NUP98: variants seen among roughly 807,000 people sequenced by gnomAD.
NUP98 encodes nuclear pore complex protein Nup98-Nup96.
In NUP98, 26 loss-of-function variants were observed where a neutral mutation model predicts 191.9. The ratio of observed to expected loss-of-function variants is 0.14; its 90% CI spans 0.10 to 0.19. The LOEUF is 0.19. Ranked by LOEUF, NUP98 falls within the 10% of genes least tolerant of loss-of-function variation. NUP98 has a pLI of 1.00. For synonymous variants in NUP98, 808 were observed against 778.4 expected, an observed-to-expected ratio of 1.04 and a Z score of -0.63; for missense variants, 1,941 against 2,178.8, an observed-to-expected ratio of 0.89 and a Z score of 2.17.
At chr11:3,700,442 A>C (rs1055509556) in intron 24 of NUP98, among the ~76,000 whole-genome samples, 168 bp downstream of exon 24, 24 of 152,212 alleles carry the variant, frequency 1.6e-4, no homozygotes, top group Non-Finnish European at 2.5e-4. Flanking sequence ...GAACATAGTG[A>C]CAATTTCTTC....
chr11:3,706,599 C>T lies in NUP98; in HGVS notation c.2771G>A (p.Gly924Glu), dbSNP rs750155391. The change falls in exon 21 of 33, where the codon GGG becomes GAG. Residue 924 changes from glycine to glutamate, a missense_variant. Gly to Glu is a moderately conservative substitution (Grantham distance 98). Around this residue, in one of 6 missense-constraint regions of NUP98, gnomAD observed 1,030 missense variants for 1,115.8 expected, o/e 0.92. Coordinates refer to ENST00000324932, the MANE Select transcript of NUP98 (RefSeq NM_016320.5). ...QSQSPEVEQL[G>E]RVVELDSDMV... The stretch of plus-strand genomic sequence containing the variant: ...GTCACTGTCCAGTTCCACAACCCTC[C>T]CTAACTGCTCCACCTCTGGGCTCTG... 5.0e-6 allele frequency: 8 copies of T among 1,613,826 alleles called. No homozygotes were observed. The highest frequency in any genetic ancestry group is 4.0e-5 in the African/African-American group (3 of 74,914).
At chr11:3,705,059 TCTTAGCACC>T in intron 22 of NUP98, 132 bp downstream of exon 22, 1 of 769,492 alleles carries the variant, frequency 1.3e-6, no homozygotes, top group Non-Finnish European at 2.1e-6. Context: ...GTACAATTTC[TCTTAGCACC>T]CTTATGTCAC....
At position 3,760,624 on chromosome 11, in the gene NUP98, G is replaced by C; in HGVS notation, c.1089C>G (p.Thr363=). 2 of 1,607,842 alleles carry C rather than the reference G, an allele frequency of 1.2e-6. No individual in the cohort carries two copies. The highest frequency in any genetic ancestry group is 1.7e-6 in the Non-Finnish European group (2 of 1,177,292). The change falls in exon 10 of 33, where the codon ACC becomes ACG. Residue 363 remains threonine (T), a splice_region_variant and synonymous_variant. Coordinates refer to ENST00000324932, the MANE Select transcript of NUP98 (RefSeq NM_016320.5). ...TNTGFGAVGS[T]LFGNNKLTTF... is the part of the protein sequence containing the mutation. The stretch of plus-strand genomic sequence containing the variant: ...TAGTAAGCTTGTTATTGCCAAACAG[G>C]GTCTAAAAAGAATAGAATACAGGAA...
intron 25 of NUP98, among the ~76,000 whole-genome samples, chr11:3,698,138 T>C (rs2078568795): frequency 6.6e-6 from 1 of 152,214 alleles, no homozygotes; most frequent in Non-Finnish European, 1.5e-5. Flanking sequence ...ATTATCTGTA[T>C]TACAGGGCAT....
intron 23 of NUP98, among the ~76,000 whole-genome samples, chr11:3,701,935 T>C (rs144906571): frequency 0.1 from 15,309 of 151,514 alleles, 817 homozygotes; most frequent in South Asian, 0.14. Context: ...GATCCGCCCA[T>C]CTTGGCCTCC....
At chr11:3,774,707 CAA>C (rs879529823) in intron 5 of NUP98, among the ~76,000 whole-genome samples, 8 of 132,120 alleles carry the variant, frequency 6.1e-5, no homozygotes, top group Admixed American at 7.7e-5. Flanking sequence ...ACTCTGTCTC[CAA>C]AAAAAAAAAA....
rs1398726541 is a variant in NUP98 at position 3,775,947 on chromosome 11, A to T, written c.430T>A (p.Ser144Thr). 6.8e-6 allele frequency: 11 copies of T among 1,613,510 alleles called. No individual in the cohort carries two copies. The highest frequency in any genetic ancestry group is 9.3e-6 in the Non-Finnish European group (11 of 1,179,448). ...CTACTTGGCCCAAAGAGGGAGCCAG[A>T]TGTGCTGCCAAAAGGATTAGAGGTG... ...NTTSNPFGSTSGSLFGPSSFT... is the reference protein window; with the variant it reads ...NTTSNPFGSTTGSLFGPSSFT... Residue 144 changes from serine to threonine, a missense_variant, in exon 5 of 33, where the codon TCT (serine) becomes ACT (threonine). Ser to Thr is a moderately conservative substitution (Grantham distance 58). Around this residue, in one of 6 missense-constraint regions of NUP98, gnomAD observed 154 missense variants for 182.9 expected, o/e 0.84. Coordinates refer to ENST00000324932, the MANE Select transcript of NUP98 (RefSeq NM_016320.5).
chr11:3,698,982 G>A, intron 25 of NUP98, 100 bp downstream of exon 25: 1 of 1,373,204 alleles, frequency 7.3e-7, no homozygotes, highest in South Asian at 1.3e-5. Flanking sequence ...ATACTCATAG[G>A]CTAGAAGCCA....
At chr11:3,685,218 CCTTAT>C (rs1377931618) in intron 29 of NUP98, among the ~76,000 whole-genome samples, 1 of 149,462 alleles carries the variant, frequency 6.7e-6, no homozygotes, top group Non-Finnish European at 1.5e-5. Context: ...AAATCTCCGG[CCTTAT>C]CTTGTTCAAA....
chr11:3,733,746 G>C (rs2079933561), intron 13 of NUP98, among the ~76,000 whole-genome samples: 1 of 152,186 alleles, frequency 6.6e-6, no homozygotes, highest in Non-Finnish European at 1.5e-5. Context: ...GTCATTGATA[G>C]ACACTCTTCT....
chr11:3,695,403 T>A (rs766363415), intron 26 of NUP98, 46 bp downstream of exon 26: 1 of 1,429,570 alleles, frequency 7.0e-7, no homozygotes, highest in East Asian at 2.5e-5. Context: ...CAGCTTCAAT[T>A]TATGAAAAAA....
At chr11:3,707,732 C>G (rs2078900498) in intron 20 of NUP98, among the ~76,000 whole-genome samples, 1 of 5,410 alleles carries the variant, frequency 1.8e-4, no homozygotes, top group Non-Finnish European at 3.0e-4. Flanking sequence ...GAATGAGACT[C>G]TGTCTCAAAA....
chr11:3,707,249 C>T (rs1397251304), intron 20 of NUP98, among the ~76,000 whole-genome samples: 1 of 151,928 alleles, frequency 6.6e-6, no homozygotes, highest in African/African-American at 2.4e-5. Context: ...GGGAAGAATC[C>T]CTTTATGTTT....
intron 1 of NUP98, among the ~76,000 whole-genome samples, chr11:3,793,708 C>T (rs945062140): frequency 9.9e-5 from 15 of 151,976 alleles, no homozygotes; most frequent in African/African-American, 3.6e-4. Context: ...TGGTGGCTCA[C>T]GCCTGTAATC....
intron 20 of NUP98, among the ~76,000 whole-genome samples, chr11:3,707,794 C>A (rs1008733918): frequency 2.1e-5 from 3 of 145,420 alleles, no homozygotes; most frequent in African/African-American, 7.7e-5. Context: ...ACACCCAGGG[C>A]TCCCACTTAA....
intron 11 of NUP98, among the ~76,000 whole-genome samples, chr11:3,746,548 C>T (rs2080508005): frequency 1.3e-5 from 2 of 151,696 alleles, no homozygotes; most frequent in Admixed American, 1.3e-4. Flanking sequence ...TTACAGCATC[C>T]CTGGACGATG....
chr11:3,695,421 G>A (rs1452891449), intron 26 of NUP98, 28 bp downstream of exon 26: 7 of 1,495,330 alleles, frequency 4.7e-6, no homozygotes, highest in African/African-American at 2.8e-5. Flanking sequence ...AAACCAATGT[G>A]AGATATTATG....
chr11:3,778,880 G>T lies in NUP98; in HGVS notation c.348C>A (p.Gly116=), dbSNP rs61756125. Residue 116 remains glycine (G), a synonymous_variant, in exon 4 of 33, where the codon GGC becomes GGA. Transcript: ENST00000324932. ...CAGTGATGTCCCACTTACTGCCAAA[G>T]CCAGTTGGTTTATTTTGTGCAAAGG... The part of the protein sequence containing the change: ...NNAFAQNKPT[G]FGNFGTSTSS... 1.1e-4 allele frequency: 184 copies of T among 1,613,752 alleles called. 1 individual carries two copies. Among genetic ancestry groups the T allele is most frequent in the Admixed American group, 2.7e-4 (16 of 59,906 alleles).
At chr11:3,713,700 C>A in intron 19 of NUP98, 118 bp downstream of exon 19, 1 of 984,394 alleles carries the variant, frequency 1.0e-6, no homozygotes, top group Non-Finnish European at 1.5e-6. Context: ...GCCTGAGCAA[C>A]AGAGCAAGAA....
Sources: allele counts gnomAD v4.1 joint callset (sites outside exome capture counted in the v4.1 genomes callset), GRCh38; gene constraint gnomAD v4.1.1; regional missense constraint gnomAD v4.1.1; transcripts MANE v1.5; gene names NCBI Gene and HGNC (gene_info 2026-07-23, HGNC 2026-07-21).